XPNPEP3: variants seen among roughly 807,000 people sequenced by gnomAD.
XPNPEP3 encodes the protein xaa-Pro aminopeptidase 3.
Under a neutral mutation model 60.0 loss-of-function variants are expected in XPNPEP3, and 41 were observed. That is an observed-to-expected ratio of 0.68 (90% confidence interval 0.53 to 0.89). The LOEUF is 0.89. Among genes scored for constraint, XPNPEP3 ranks in the 40% least tolerant of loss-of-function variants. XPNPEP3 has a pLI of 0.00. For missense variants in XPNPEP3, 598 were observed against 638.9 expected, an observed-to-expected ratio of 0.94 and a Z score of 0.69; for synonymous variants, 212 against 223.2, an observed-to-expected ratio of 0.95 and a Z score of 0.45.
At chr22:40,908,282 G>A (rs900016624) in intron 5 of XPNPEP3, among the ~76,000 whole-genome samples, 1 of 151,652 alleles carries the variant, frequency 6.6e-6, no homozygotes, top group African/African-American at 2.4e-5. Flanking sequence ...TACTTTGGAA[G>A]GCTGAGATGG....
intron 1 of XPNPEP3, among the ~76,000 whole-genome samples, chr22:40,866,158 ATTTC>A (rs759390302): frequency 2.2e-4 from 33 of 151,722 alleles, no homozygotes; most frequent in Non-Finnish European, 4.4e-4. Flanking sequence ...TTTTTTCTTT[ATTTC>A]TTATGTCCAA....
intron 6 of XPNPEP3, among the ~76,000 whole-genome samples, chr22:40,911,168 C>T (rs1361476294): frequency 6.6e-6 from 1 of 152,096 alleles, no homozygotes; most frequent in Non-Finnish European, 1.5e-5. Context: ...CTTGGTACAA[C>T]ATAGCATCTC....
chr22:40,921,357 G>T (rs529594952), intron 7 of XPNPEP3, among the ~76,000 whole-genome samples: 1 of 152,102 alleles, frequency 6.6e-6, no homozygotes, highest in East Asian at 1.9e-4. Flanking sequence ...ACATGAATTT[G>T]TCAAAATTGT....
intron 5 of XPNPEP3, among the ~76,000 whole-genome samples, chr22:40,908,230 G>A (rs1461770987): frequency 1.3e-5 from 2 of 150,018 alleles, no homozygotes; most frequent in Non-Finnish European, 3.0e-5. Context: ...AAAAAAAAAA[G>A]AGGCTGAGGC....
chr22:40,926,231 T>C, intron 9 of XPNPEP3, 38 bp from the exon 10 acceptor site: 1 of 1,613,530 alleles, frequency 6.2e-7, no homozygotes, highest in African/African-American at 1.3e-5. Flanking sequence ...CCAGTTACTA[T>C]CATTCCTGAA....
intron 6 of XPNPEP3, among the ~76,000 whole-genome samples, chr22:40,909,479 C>CTGACGGAA (rs2058169025): frequency 6.6e-6 from 1 of 152,134 alleles, no homozygotes; most frequent in Non-Finnish European, 1.5e-5. Context: ...AATAAAACAA[C>CTGACGGAA]ATAGGCCAGG....
chr22:40,858,781 C>T (rs1433245241), intron 1 of XPNPEP3, among the ~76,000 whole-genome samples: 4 of 152,014 alleles, frequency 2.6e-5, no homozygotes, highest in East Asian at 1.9e-4. Context: ...CCACCCGCCT[C>T]GGCCTCCCAA....
intron 4 of XPNPEP3, among the ~76,000 whole-genome samples, chr22:40,896,225 A>G (rs1315374849): frequency 2.0e-5 from 3 of 152,064 alleles, no homozygotes; most frequent in African/African-American, 4.8e-5. Flanking sequence ...TTGGAGAAAC[A>G]GGGTTTCACC....
chr22:40,916,270 C>G, intron 7 of XPNPEP3, among the ~76,000 whole-genome samples: 1 of 150,092 alleles, frequency 6.7e-6, no homozygotes, highest in Non-Finnish European at 1.5e-5. Flanking sequence ...CCAGCTTGGG[C>G]GACAGAGTGA....
intron 1 of XPNPEP3, among the ~76,000 whole-genome samples, chr22:40,857,573 C>G (rs1299660184): frequency 6.6e-6 from 1 of 152,274 alleles, no homozygotes; most frequent in Admixed American, 6.5e-5. Context: ...CATCAAGTAG[C>G]TCTTGTTTCT....
At chr22:40,923,697 CA>C (rs1248806098) in intron 8 of XPNPEP3, among the ~76,000 whole-genome samples, 1 of 151,972 alleles carries the variant, frequency 6.6e-6, no homozygotes, top group East Asian at 1.9e-4. Flanking sequence ...ACTAAAAATA[CA>C]AAAATTAGCC....
At chr22:40,868,863 A>G (rs1254915526) in intron 1 of XPNPEP3, 136 bp from the exon 2 acceptor site, 2 of 725,584 alleles carry the variant, frequency 2.8e-6, no homozygotes, top group African/African-American at 1.8e-5. Context: ...AAATAAATGA[A>G]TATTGAAGGA....
At chr22:40,862,263 G>A (rs771642488) in intron 1 of XPNPEP3, 25 of 1,156,064 alleles carry the variant, frequency 2.2e-5, no homozygotes, top group Non-Finnish European at 2.6e-5. Context: ...GTCCAGAGTC[G>A]TACCAGACCA....
At chr22:40,877,289 T>G (rs1467948238) in intron 2 of XPNPEP3, among the ~76,000 whole-genome samples, 1 of 152,248 alleles carries the variant, frequency 6.6e-6, no homozygotes, top group East Asian at 1.9e-4. Flanking sequence ...AGTAATAGTT[T>G]ATTAATTACT....
chr22:40,857,315 C>T lies in XPNPEP3; in HGVS notation c.64+70C>T, dbSNP rs2057907203. ...GGGACCCAAGTTGGTCTCAGGCGAT[C>T]CCTGGTTCGGCTGACCCTTCTCCTG... On this transcript the variant is annotated intron_variant, in intron 1 of 9. Transcript: ENST00000357137. The T allele has an allele frequency of 7.6e-6, 12 of 1,568,878 alleles. No individual in the cohort carries two copies. In the East Asian group the frequency reaches 2.8e-4, roughly 36 times the overall value.
At position 40,917,486 on chromosome 22, in the gene XPNPEP3, A is replaced by G. The variant is rs529621410; in HGVS notation, c.1055+3162A>G. The stretch of plus-strand genomic sequence containing the variant: ...GAGGAGATGGTAATGAAAATTTTCT[A>G]GAATTAGTAGTGGTGATGATTGTAC... On this transcript the variant is annotated intron_variant, in intron 7 of 9. Transcript: ENST00000357137. 2.6e-5 allele frequency: 4 copies of G among 152,330 alleles called. No homozygotes were observed. The East Asian group carries it at 7.7e-4, about 29-fold the overall frequency. 9.4% of individuals were successfully genotyped at this position (152,330 alleles called of 1,614,324 possible).
chr22:40,857,175 G>A lies in XPNPEP3; in HGVS notation c.-7G>A, dbSNP rs1289541072. The A allele has an allele frequency of 1.9e-6, 3 of 1,614,174 alleles. No homozygotes were observed. Among genetic ancestry groups the A allele is most frequent in the Admixed American group, 3.3e-5 (2 of 60,024 alleles). On this transcript the variant is annotated 5_prime_UTR_variant, in exon 1 of 10. Transcript: ENST00000357137. ...CTTTCTCTTCCCGACGCGTGAGTTA[G>A]GCCGTAATGCCTTGGCTGCTCTCAG... is the stretch of plus-strand genomic sequence containing the variant.
chr22:40,858,546 T>TG (rs1491441746), intron 1 of XPNPEP3, among the ~76,000 whole-genome samples: 74 of 132,522 alleles, frequency 5.6e-4, no homozygotes, highest in African/African-American at 1.3e-3. Flanking sequence ...TTTTTTTTTT[T>TG]GAGACAGAGT....
At chr22:40,895,404 C>T (rs1479955752) in intron 4 of XPNPEP3, among the ~76,000 whole-genome samples, 5 of 151,556 alleles carry the variant, frequency 3.3e-5, no homozygotes, top group Non-Finnish European at 7.4e-5. Flanking sequence ...GGCGCGATCT[C>T]GGCTCACTGC....
Sources: allele counts gnomAD v4.1 joint callset (sites outside exome capture counted in the v4.1 genomes callset), GRCh38; gene constraint gnomAD v4.1.1; transcripts MANE v1.5; gene names NCBI Gene and HGNC (gene_info 2026-07-23, HGNC 2026-07-21).